ACO1: variants seen among roughly 807,000 people sequenced by gnomAD.
ACO1 encodes the protein aconitase 1, also known as cytoplasmic aconitate hydratase.
ACO1 carries 78 observed loss-of-function variants against 105.1 expected under a neutral mutation model. That is an observed-to-expected ratio of 0.74 (90% CI 0.62 to 0.90). The LOEUF (loss-of-function observed/expected upper bound fraction) is 0.90. ACO1 is among the 40% of genes least tolerant of loss of function. The probability of loss-of-function intolerance (pLI) is 0.00; values close to 1 mark genes in which losing one functional copy is unlikely to be tolerated. For missense variants in ACO1, 965 were observed against 1,111.1 expected, an observed-to-expected ratio of 0.87 and a Z score of 1.87; for synonymous variants, 364 against 397.4, an observed-to-expected ratio of 0.92 and a Z score of 1.00.
At chr9:32,403,667 A>C (rs1408640449) in intron 1 of ACO1, among the ~76,000 whole-genome samples, 3 of 152,182 alleles carry the variant, frequency 2.0e-5, no homozygotes, top group Non-Finnish European at 4.4e-5. Flanking sequence ...TTTAATCCAA[A>C]AATTTTGGGA....
At chr9:32,441,877 G>A (rs1480434251) in intron 19 of ACO1, among the ~76,000 whole-genome samples, 4 of 152,216 alleles carry the variant, frequency 2.6e-5, no homozygotes, top group Non-Finnish European at 5.9e-5. Flanking sequence ...CTTACAGAGA[G>A]CAGTGGACAG....
intron 1 of ACO1, among the ~76,000 whole-genome samples, chr9:32,394,602 G>C (rs1222625264): frequency 6.6e-6 from 1 of 152,212 alleles, no homozygotes; most frequent in Non-Finnish European, 1.5e-5. Flanking sequence ...GATGGAACCA[G>C]CTGCTTCAGA....
At chr9:32,417,995 T>G in intron 4 of ACO1, 133 bp from the exon 5 acceptor site, 1 of 743,448 alleles carries the variant, frequency 1.3e-6, no homozygotes, top group Non-Finnish European at 2.2e-6. Context: ...TTGTAAATAG[T>G]CATGAATGAA....
chr9:32,427,159 G>A lies in ACO1; in HGVS notation c.1349-142G>A. Reference sequence around the variant, plus strand: ...AGATTTCTGTTTGGCAGCAGAAACAGCAGATAGCGCCAACATGAAGGGAGC... The same window carrying A: ...AGATTTCTGTTTGGCAGCAGAAACAACAGATAGCGCCAACATGAAGGGAGC... On this transcript the variant is annotated intron_variant, in intron 11 of 20. Coordinates refer to ENST00000309951, the MANE Select transcript of ACO1 (RefSeq NM_002197.3). 7.8e-6 allele frequency: 8 copies of A among 1,024,682 alleles called. No homozygotes were observed. In the South Asian group the frequency reaches 1.4e-4, roughly 18 times the overall value. 63.5% of individuals were successfully genotyped at this position (1,024,682 alleles called of 1,614,324 possible).
intron 1 of ACO1, chr9:32,386,325 G>A (rs1026712289): frequency 1.3e-5 from 2 of 152,208 alleles, no homozygotes; most frequent in Non-Finnish European, 2.9e-5. Context: ...GAGTTTATTG[G>A]AATAATGATT....
intron 2 of ACO1, 100 bp from the exon 3 acceptor site, chr9:32,407,161 A>T: frequency 9.4e-7 from 1 of 1,060,440 alleles, no homozygotes; most frequent in South Asian, 1.5e-5. Flanking sequence ...GTGGAAGAAT[A>T]GTCTGATGCC....
intron 1 of ACO1, among the ~76,000 whole-genome samples, chr9:32,402,066 T>A (rs184407025): frequency 2.6e-5 from 4 of 152,384 alleles, no homozygotes; most frequent in Admixed American, 6.5e-5. Context: ...TCTTCCTTGA[T>A]TCAGTGGCCA....
rs1430271013 is a variant in ACO1 at position 32,451,754 on chromosome 9, C to T, written c.*1643C>T. The T allele has an allele frequency of 6.6e-6, 1 of 152,156 alleles. No homozygotes were observed. The highest frequency in any genetic ancestry group is 1.5e-5 in the Non-Finnish European group (1 of 68,024). 9.4% of individuals were successfully genotyped at this position (152,156 alleles called of 1,614,324 possible). On this transcript the variant is annotated 3_prime_UTR_variant, in exon 21 of 21. Coordinates refer to ENST00000309951, the MANE Select transcript of ACO1 (RefSeq NM_002197.3). ...CGGTCCTGGGGATCTTATTTATATT[C>T]ATTTAAAAAATAAATTACAAACAAA... is the stretch of plus-strand genomic sequence containing the variant.
At chr9:32,384,905 C>T (rs1265998207) in intron 1 of ACO1, among the ~76,000 whole-genome samples, 170 bp downstream of exon 1, 1 of 152,210 alleles carries the variant, frequency 6.6e-6, no homozygotes, top group Non-Finnish European at 1.5e-5. Flanking sequence ...GTGTTTCTGG[C>T]GACTGACGTC....
In ACO1 at chr9:32,439,956, A is replaced by G. The variant is rs537685990; in HGVS notation, c.2248-509A>G. Among the ~76,000 whole-genome samples the G allele has an allele frequency of 1.1e-4, 16 of 152,228 alleles. No individual in the cohort carries two copies. The highest frequency in any genetic ancestry group is 2.6e-4 in the Admixed American group (4 of 15,286). ...TTAGGCATTTCTGTCAAAAGAATAT[A>G]AAATGGTTTTTAAGAATACAAAATT... On this transcript the variant is annotated intron_variant, in intron 18 of 20. Transcript: ENST00000309951. The surrounding 1 kb of genome is among the most constrained non-coding windows in gnomAD (Gnocchi z 4.0).
At chr9:32,408,245 A>T (rs1821657884) in intron 3 of ACO1, among the ~76,000 whole-genome samples, 1 of 152,204 alleles carries the variant, frequency 6.6e-6, no homozygotes, top group Non-Finnish European at 1.5e-5. Context: ...CTTTCCCATC[A>T]TTGCTGTATT....
chr9:32,442,527 T>TATAGATG lies in ACO1; in HGVS notation c.2370+1940_2370+1941insATAGATG, dbSNP rs1012346621. ...TTGCTGTATATTGCCAATTATAGAT[T>TATAGATG]CCCAATAAAACATACTTTAAGCTTA... On this transcript the variant is annotated intron_variant, in intron 19 of 20. Transcript: ENST00000309951. Among the ~76,000 whole-genome samples the TATAGATG allele has an allele frequency of 1.3e-3, 204 of 152,230 alleles. 1 individual carries two copies. Among genetic ancestry groups the TATAGATG allele is most frequent in the African/African-American group, 4.7e-3 (194 of 41,526 alleles).
chr9:32,405,099 C>T (rs1821579407), intron 1 of ACO1, among the ~76,000 whole-genome samples: 1 of 151,904 alleles, frequency 6.6e-6, no homozygotes, highest in African/African-American at 2.4e-5. Context: ...CTGCTGCATA[C>T]AGCATGTGAG....
Position 32,419,182 on chromosome 9 carries a change from C to A in ACO1, c.798+5C>A, listed in dbSNP as rs201631903. The stretch of plus-strand genomic sequence containing the variant: ...ATCGTGCTCACCATTACCAAGGTAA[C>A]AATGTGCATCCTCTTCTGTGGTCTT... On this transcript the variant is annotated splice_donor_5th_base_variant and intron_variant, in intron 7 of 20. Transcript: ENST00000309951. 1 of 1,573,122 alleles carries A rather than the reference C, an allele frequency of 6.4e-7. No individual in the cohort carries two copies. Among genetic ancestry groups the A allele is most frequent in the East Asian group, 2.4e-5 (1 of 42,522 alleles).
chr9:32,425,989 T>C lies in ACO1; in HGVS notation c.1340T>C (p.Leu447Ser). Residue 447 changes from leucine to serine, a missense_variant, in exon 11 of 21, where the codon TTA (leucine) becomes TCA (serine). Physicochemically the swap from Leu to Ser is moderately radical, Grantham distance 145 (BLOSUM62 -2). Coordinates refer to ENST00000309951, the MANE Select transcript of ACO1 (RefSeq NM_002197.3). ...AACACCAGTAATCCGTCTGTGATGT[T>C]AGGGGCAGGTAAGTGCATTTGACTC... The part of the protein sequence containing the change: ...CTNTSNPSVM[L>S]GAGLLAKKAV... 6.2e-7 allele frequency: 1 copy of C among 1,613,472 alleles called. No homozygotes were observed. Among genetic ancestry groups the C allele is most frequent in the Non-Finnish European group, 8.5e-7 (1 of 1,179,626 alleles).
rs1262473050 is a variant in ACO1, at chr9:32,451,665, A to G, written c.*1554A>G. The G allele has an allele frequency of 1.3e-5, 2 of 152,218 alleles. No individual in the cohort carries two copies. Among genetic ancestry groups the G allele is most frequent in the East Asian group, 3.9e-4 (2 of 5,194 alleles). 9.4% of individuals were successfully genotyped at this position (152,218 alleles called of 1,614,324 possible). ...CTGGTCATCAGAACATCTGGAATCTAATCCTCTTTCTACTTCTCACCAGAT... is the reference window on the plus strand; with the variant it reads ...CTGGTCATCAGAACATCTGGAATCTGATCCTCTTTCTACTTCTCACCAGAT... On this transcript the variant is annotated 3_prime_UTR_variant, in exon 21 of 21. Transcript: ENST00000309951.
chr9:32,395,751 G>A (rs1014341902), intron 1 of ACO1, among the ~76,000 whole-genome samples: 1 of 152,198 alleles, frequency 6.6e-6, no homozygotes, highest in Non-Finnish European at 1.5e-5. Context: ...TTCTCAGCCT[G>A]TCTCTGGAAT....
chr9:32,439,223 G>A lies in ACO1; in HGVS notation c.2248-1242G>A, dbSNP rs1267118263. 6.6e-6 allele frequency among the ~76,000 whole-genome samples: 1 copy of A among 152,208 alleles called. No homozygotes were observed. The highest frequency in any genetic ancestry group is 6.5e-5 in the Admixed American group (1 of 15,272). On this transcript the variant is annotated intron_variant, in intron 18 of 20. Transcript: ENST00000309951. This position sits in a 1 kb window ranked among gnomAD's most constrained non-coding sequence, Gnocchi z 4.0. ...AAAGCTACAGTCTCTGAAAATATCA[G>A]ATAAGTTGTTTCTTTCTGGTCTTTG... is the stretch of plus-strand genomic sequence containing the variant.
intron 8 of ACO1, among the ~76,000 whole-genome samples, chr9:32,422,151 T>A (rs959393991): frequency 6.6e-6 from 1 of 152,176 alleles, no homozygotes; most frequent in Non-Finnish European, 1.5e-5. Context: ...AGCTGTGAGA[T>A]GGATCTAGAG....
Sources: gnomAD v4.1 joint callset for allele counts (sites outside exome capture counted in the v4.1 genomes callset) on GRCh38, gnomAD v4.1.1 for gene constraint, Gnocchi (gnomAD v3.1) non-coding constraint, MANE v1.5 for transcripts, NCBI Gene and HGNC (gene_info 2026-07-23, HGNC 2026-07-21) for gene names.